Variants in CCDC137 observed in about 807,000 individuals in gnomAD.
CCDC137 encodes the protein coiled-coil domain containing 137, also known as coiled-coil domain-containing protein 137.
In CCDC137, 24 loss-of-function variants were observed where a neutral mutation model predicts 30.4. The ratio of observed to expected loss-of-function variants is 0.79; its 90% CI spans 0.57 to 1.11. CCDC137 has a LOEUF of 1.11. Among genes scored for constraint, CCDC137 ranks in the 50% least tolerant of loss-of-function variants. The pLI, the probability that CCDC137 is intolerant of heterozygous loss-of-function variation, is 0.00. For synonymous variants in CCDC137, 182 were observed against 155.7 expected (o/e 1.17, Z -1.26); for missense variants, 417 against 380.4 (o/e 1.10, Z -0.80).
intron 5 of CCDC137, 117 bp from the exon 6 acceptor site, chr17:81,672,378 G>GT: frequency 9.6e-7 from 1 of 1,046,266 alleles, no homozygotes; most frequent in East Asian, 2.6e-5. Context: ...GCGCTGTCTG[G>GT]TGTGTGGCCT....
rs775901084 is a variant in CCDC137, at chr17:81,672,630, A to C, written c.796A>C (p.Lys266Gln). The stretch of plus-strand genomic sequence containing the variant: ...GGCCGTGCAGGCCTACAGAGCGTTG[A>C]AGCAGCGGCAGCAGCAGCTGCACGG... ...ERAVQAYRAL[K>Q]QRQQQLHGER... Residue 266 changes from lysine (K) to glutamine (Q), a missense_variant, in exon 6 of 6, where the codon AAG becomes CAG. By Grantham distance (53) the Lys-to-Gln change is moderately conservative. Coordinates refer to ENST00000329214, the MANE Select transcript of CCDC137 (RefSeq NM_199287.3). The C allele has an allele frequency of 2.5e-6, 4 of 1,600,170 alleles. No individual in the cohort carries two copies. The African/African-American group carries it at 4.0e-5, about 16-fold the overall frequency.
intron 2 of CCDC137, chr17:81,670,020 C>G (rs1335260418): frequency 1.0e-5 from 6 of 585,874 alleles, no homozygotes; most frequent in Non-Finnish European, 1.8e-5. Flanking sequence ...CAGTGGACAT[C>G]TGTGACAGGT....
intron 4 of CCDC137, 57 bp from the exon 5 acceptor site, chr17:81,672,019 G>A (rs2036724631): frequency 1.9e-6 from 3 of 1,591,162 alleles, no homozygotes; most frequent in Non-Finnish European, 2.6e-6. Flanking sequence ...GTGGCTCTGG[G>A]TGTCAGGGGT....
At chr17:81,671,501 A>AGGT in intron 3 of CCDC137, 1 of 531,216 alleles carries the variant, frequency 1.9e-6, no homozygotes, top group Non-Finnish European at 3.4e-6. Context: ...GTTCCCTGGC[A>AGGT]GGTAGCTGTC....
At position 81,668,925 on chromosome 17, in the gene CCDC137, T is replaced by C. The variant is rs149176030; in HGVS notation, c.268+1063T>C. On this transcript the variant is annotated intron_variant, in intron 2 of 5. Coordinates refer to ENST00000329214, the MANE Select transcript of CCDC137 (RefSeq NM_199287.3). ...GAGACAGTCTCCCTCTAGCCCAGGC[T>C]AGAGTGCAGTGGCACAATCTCAGCT... Among the ~76,000 whole-genome samples, 36 of 150,432 alleles carry C rather than the reference T, an allele frequency of 2.4e-4. 1 individual carries two copies. In the East Asian group the frequency reaches 6.9e-3, roughly 29 times the overall value.
chr17:81,668,078 G>A (rs2036669148), intron 2 of CCDC137, among the ~76,000 whole-genome samples: 1 of 152,174 alleles, frequency 6.6e-6, no homozygotes, highest in Non-Finnish European at 1.5e-5. Context: ...TGGGCGGGGA[G>A]GACCCGTTAT....
intron 3 of CCDC137, among the ~76,000 whole-genome samples, chr17:81,670,766 C>T (rs78309545): frequency 0.014 from 2,057 of 152,290 alleles, 48 homozygotes; most frequent in African/African-American, 0.047. Flanking sequence ...CTGAGGGTGA[C>T]GTGCCCAGGG....
intron 2 of CCDC137, among the ~76,000 whole-genome samples, chr17:81,668,886 T>G (rs368421190): frequency 1.6e-5 from 2 of 125,512 alleles, no homozygotes; most frequent in African/African-American, 6.1e-5. Flanking sequence ...TGTGTGGTTT[T>G]TTTTTTTTTT....
intron 2 of CCDC137, among the ~76,000 whole-genome samples, chr17:81,668,252 G>A (rs1173561929): frequency 2.0e-5 from 3 of 152,186 alleles, no homozygotes; most frequent in Admixed American, 6.5e-5. Context: ...GGCAACTGGC[G>A]GGGCTACTGC....
chr17:81,672,537 G>T lies in CCDC137; in HGVS notation c.703G>T (p.Gly235Cys), dbSNP rs1376814763. The change falls in exon 6 of 6, where the codon GGT (glycine) becomes TGT (cysteine). Residue 235 changes from glycine to cysteine, a missense_variant. Physicochemically the swap from Gly to Cys is radical, Grantham distance 159. Coordinates refer to ENST00000329214, the MANE Select transcript of CCDC137 (RefSeq NM_199287.3). ...SQMLRMLLSP[G>C]GVSQPLTASL... The stretch of plus-strand genomic sequence containing the variant: ...GATGCTGCGGATGCTTCTGAGCCCC[G>T]GTGGTGTGTCCCAGCCTCTGACCGC... 3.2e-6 allele frequency: 5 copies of T among 1,568,560 alleles called. No homozygotes were observed. The highest frequency in any genetic ancestry group is 3.5e-6 in the Non-Finnish European group (4 of 1,156,762).
At chr17:81,671,118 G>A (rs1055910343) in intron 3 of CCDC137, among the ~76,000 whole-genome samples, 5 of 150,100 alleles carry the variant, frequency 3.3e-5, no homozygotes, top group African/African-American at 9.8e-5. Flanking sequence ...GTGACAGAGC[G>A]AGACTCCATC....
chr17:81,669,878 CTG>C (rs2144441755), intron 2 of CCDC137: 1 of 241,484 alleles, frequency 4.1e-6, no homozygotes, highest in African/African-American at 2.3e-5. Flanking sequence ...CCACGTTTCT[CTG>C]TGTAGCTCCA....
rs1472347573 is a variant in CCDC137, at chr17:81,667,816, C to T, written c.222C>T (p.Arg74=). The part of the protein sequence containing the change: ...PFRLREIMRS[R]QEMKNPISNK... ...GGCTCCGGGAGATTATGAGGAGCCG[C>T]CAAGAGATGAAAAACCCGATCAGTA... is the stretch of plus-strand genomic sequence containing the variant. Residue 74 remains arginine, a synonymous_variant, in exon 2 of 6, where the codon CGC becomes CGT. Transcript: ENST00000329214. 4.3e-6 allele frequency: 7 copies of T among 1,612,354 alleles called. No homozygotes were observed. Among genetic ancestry groups the T allele is most frequent in the Non-Finnish European group, 5.9e-6 (7 of 1,179,998 alleles).
In CCDC137 at chr17:81,672,544, T is replaced by A. The variant is rs913150471; in HGVS notation, c.710T>A (p.Val237Glu). The change falls in exon 6 of 6, where the codon GTG becomes GAG. Residue 237 changes from valine to glutamate, a missense_variant. Transcript: ENST00000329214. ...CGGATGCTTCTGAGCCCCGGTGGTG[T>A]GTCCCAGCCTCTGACCGCCTCCCTG... The part of the protein sequence containing the change: ...MLRMLLSPGG[V>E]SQPLTASLAR... 9.6e-6 allele frequency: 15 copies of A among 1,569,556 alleles called. No individual in the cohort carries two copies. Among genetic ancestry groups the A allele is most frequent in the Non-Finnish European group, 1.3e-5 (15 of 1,157,292 alleles).
At chr17:81,671,045 T>A (rs1427929246) in intron 3 of CCDC137, among the ~76,000 whole-genome samples, 1 of 151,382 alleles carries the variant, frequency 6.6e-6, no homozygotes, top group Non-Finnish European at 1.5e-5. Flanking sequence ...GGCAGTGGAA[T>A]CGCTTGAATC....
At chr17:81,667,190 C>T (rs1419391576) in intron 1 of CCDC137, among the ~76,000 whole-genome samples, 1 of 152,216 alleles carries the variant, frequency 6.6e-6, no homozygotes, top group Non-Finnish European at 1.5e-5. Flanking sequence ...GCCTTTCGGC[C>T]TCGCGTCCCG....
intron 3 of CCDC137, among the ~76,000 whole-genome samples, chr17:81,670,822 A>G (rs1421846015): frequency 6.6e-6 from 1 of 152,122 alleles, no homozygotes; most frequent in Non-Finnish European, 1.5e-5. Flanking sequence ...AAGAGACTAC[A>G]CCTTCCTAAT....
intron 3 of CCDC137, among the ~76,000 whole-genome samples, chr17:81,671,258 C>T (rs889311127): frequency 3.3e-5 from 5 of 152,146 alleles, no homozygotes; most frequent in African/African-American, 4.8e-5. Flanking sequence ...TCACAGAGAA[C>T]GTGGCCCAGA....
rs192815703 is a variant in CCDC137 at position 81,667,925 on chromosome 17, C to G, written c.268+63C>G. Reference sequence around the variant, plus strand: ...GTGTGTCTCAACCCGCCCAATCGCCCAAATACTTCAGAACGTTTCAGGCAG... The same window carrying G: ...GTGTGTCTCAACCCGCCCAATCGCCGAAATACTTCAGAACGTTTCAGGCAG... On this transcript the variant is annotated intron_variant, in intron 2 of 5. Coordinates refer to ENST00000329214, the MANE Select transcript of CCDC137 (RefSeq NM_199287.3). 1,043 of 1,562,046 alleles carry G rather than the reference C, an allele frequency of 6.7e-4. 8 individuals carry two copies. The highest frequency in any genetic ancestry group is 1.5e-4 in the Non-Finnish European group (172 of 1,153,556).
Sources: allele counts gnomAD v4.1 joint callset (sites outside exome capture counted in the v4.1 genomes callset), GRCh38; gene constraint gnomAD v4.1.1; transcripts MANE v1.5; gene names NCBI Gene and HGNC (gene_info 2026-07-23, HGNC 2026-07-21).